Variants in RBFOX1 observed in about 807,000 individuals in gnomAD.
The protein encoded by RBFOX1 is RNA binding fox-1 homolog 1, also known as RNA binding protein fox-1 homolog 1.
In RBFOX1, 8 loss-of-function variants were observed where a neutral mutation model predicts 57.7. The observed-to-expected ratio is 0.14, with a 90% CI of 0.08 to 0.25. The LOEUF is 0.25. Among genes scored for constraint, RBFOX1 ranks in the 10% least tolerant of loss-of-function variants. The probability of loss-of-function intolerance (pLI) is 1.00; values close to 1 mark genes in which losing one functional copy is unlikely to be tolerated. For missense variants in RBFOX1, 611 were observed against 548.5 expected (o/e 1.11, Z -1.14); for synonymous variants, 326 against 222.4 (o/e 1.47, Z -4.15).
intron 4 of RBFOX1, among the ~76,000 whole-genome samples, chr16:7,352,282 C>A (rs1183094601): frequency 1.3e-5 from 2 of 152,146 alleles, no homozygotes; most frequent in African/African-American, 4.8e-5. Context: ...TTGCACGTGT[C>A]TTTAAACAGG....
At chr16:5,625,534 T>TTTTATTTATTTA (rs764734485) in intron 3 of RBFOX1, among the ~76,000 whole-genome samples, 2 of 81,408 alleles carry the variant, frequency 2.5e-5, no homozygotes, top group African/African-American at 4.0e-5. Flanking sequence ...TAATATTTTT[T>TTTTATTTATTTA]GTTATTTATT....
chr16:6,307,302 G>A (rs187553191), intron 1 of RBFOX1, among the ~76,000 whole-genome samples: 145 of 152,218 alleles, frequency 9.5e-4, no homozygotes, highest in Middle Eastern at 3.4e-3. Context: ...AGAATGGTGT[G>A]AACCCGGGAG....
chr16:7,664,876 G>C, intron 12 of RBFOX1, 53 bp from the exon 13 acceptor site: 1 of 1,613,792 alleles, frequency 6.2e-7, no homozygotes, highest in Non-Finnish European at 8.5e-7. Context: ...TGGTGTGTCT[G>C]CATGGGAAAT....
chr16:6,691,049 T>C (rs1429407984), intron 3 of RBFOX1, among the ~76,000 whole-genome samples: 2 of 152,176 alleles, frequency 1.3e-5, no homozygotes, highest in African/African-American at 4.8e-5. Context: ...TCATGTTACA[T>C]CATGTTCCTT....
rs549721553 is a variant in RBFOX1 at position 7,488,010 on chromosome 16, C to T, written c.28-30137C>T. 7.9e-5 allele frequency among the ~76,000 whole-genome samples: 12 copies of T among 152,110 alleles called. No homozygotes were observed. In the South Asian group the frequency reaches 1.5e-3, roughly 18 times the overall value. ...CTCTGGAGCGTAGATTACAAGAGGC[C>T]GGCCTTGTGAATGAAGGGGGCACCT... On this transcript the variant is annotated intron_variant, in intron 4 of 15. Coordinates refer to ENST00000550418, the MANE Select transcript of RBFOX1 (RefSeq NM_018723.4).
intron 4 of RBFOX1, among the ~76,000 whole-genome samples, chr16:7,350,621 G>C (rs868384674): frequency 1.3e-5 from 2 of 152,214 alleles, no homozygotes; most frequent in Non-Finnish European, 2.9e-5. Context: ...AGGACAGCTA[G>C]TATGCATGGT....
chr16:5,792,404 C>G (rs2054731975), intron 3 of RBFOX1, among the ~76,000 whole-genome samples: 1 of 152,212 alleles, frequency 6.6e-6, no homozygotes, highest in African/African-American at 2.4e-5. Flanking sequence ...ACTTGTGACT[C>G]TACAAAAACT....
chr16:7,348,464 A>G (rs1217373196), intron 4 of RBFOX1, among the ~76,000 whole-genome samples: 1 of 152,164 alleles, frequency 6.6e-6, no homozygotes, highest in African/African-American at 2.4e-5. Flanking sequence ...TCTTAAACAA[A>G]CACATATTCC....
chr16:7,096,821 A>G (rs2151257516), intron 4 of RBFOX1, among the ~76,000 whole-genome samples: 1 of 151,102 alleles, frequency 6.6e-6, no homozygotes, highest in South Asian at 2.1e-4. Flanking sequence ...AATCCCAGCT[A>G]CGTAGGGGGC....
In RBFOX1 at chr16:5,775,702, C is replaced by T. The variant is rs530266951; in HGVS notation, c.319-91601C>T. 6.6e-5 allele frequency among the ~76,000 whole-genome samples: 10 copies of T among 152,300 alleles called. No homozygotes were observed. In the East Asian group the frequency reaches 1.9e-3, roughly 29 times the overall value. ...AGGACTGAAAACCATGGGTTTGATACTCTGAATCCTTAGAGCCTGCTAACT... is the reference window on the plus strand; with the variant it reads ...AGGACTGAAAACCATGGGTTTGATATTCTGAATCCTTAGAGCCTGCTAACT... On this transcript the variant is annotated intron_variant, in intron 3 of 19. Coordinates refer to the RBFOX1 transcript ENST00000641259.
chr16:6,194,464 C>G (rs752720960), intron 1 of RBFOX1, among the ~76,000 whole-genome samples: 9 of 152,188 alleles, frequency 5.9e-5, no homozygotes, highest in Non-Finnish European at 8.8e-5. Flanking sequence ...CAGGAACACT[C>G]CTTGTTTCTC....
At chr16:6,364,979 G>A (rs915647898) in intron 2 of RBFOX1, among the ~76,000 whole-genome samples, 1 of 152,024 alleles carries the variant, frequency 6.6e-6, no homozygotes, top group Admixed American at 6.6e-5. Flanking sequence ...TATCAATATG[G>A]GCATATGACA....
At chr16:6,580,898 T>C (rs2097528022) in intron 2 of RBFOX1, among the ~76,000 whole-genome samples, 2 of 118,736 alleles carry the variant, frequency 1.7e-5, no homozygotes, top group Non-Finnish European at 3.4e-5. Context: ...GCATATCTCA[T>C]TTGGGCTTGC....
chr16:7,612,064 G>A (rs1596476690), intron 10 of RBFOX1, among the ~76,000 whole-genome samples: 2 of 152,214 alleles, frequency 1.3e-5, no homozygotes, highest in South Asian at 4.1e-4. Context: ...GCTCACGCCT[G>A]TAATCCCAGC....
chr16:5,715,924 C>G (rs2051681443), intron 3 of RBFOX1, among the ~76,000 whole-genome samples: 2 of 152,154 alleles, frequency 1.3e-5, no homozygotes, highest in South Asian at 4.1e-4. Context: ...TAATAATCAT[C>G]ACAGCATAGT....
chr16:5,609,552 G>A (rs1442485849), intron 3 of RBFOX1, among the ~76,000 whole-genome samples: 1 of 152,166 alleles, frequency 6.6e-6, no homozygotes, highest in Non-Finnish European at 1.5e-5. Context: ...ATGTAGAGAT[G>A]TCCACCGTGT....
At chr16:7,489,786 A>C (rs988839708) in intron 4 of RBFOX1, among the ~76,000 whole-genome samples, 1 of 151,674 alleles carries the variant, frequency 6.6e-6, no homozygotes, top group Non-Finnish European at 1.5e-5. Flanking sequence ...CTTCCAGAGC[A>C]CTGGGATTAC....
chr16:6,790,427 T>C (rs529506627), intron 3 of RBFOX1, among the ~76,000 whole-genome samples: 2 of 152,072 alleles, frequency 1.3e-5, no homozygotes, highest in African/African-American at 4.8e-5. Flanking sequence ...TCAGGTGATC[T>C]ACCCACCTCG....
In RBFOX1 at chr16:7,445,048, A is replaced by T. The variant is rs766893585; in HGVS notation, c.28-73099A>T. Among the ~76,000 whole-genome samples, 11 of 151,874 alleles carry T rather than the reference A, an allele frequency of 7.2e-5. 1 individual carries two copies. The highest frequency in any genetic ancestry group is 1.0e-4 in the Non-Finnish European group (7 of 67,992). ...CTTCTTTTTTTCTTTTGGGAATAAGAAAAAGCAACGTTCTTGACTGCCCGG... is the reference window on the plus strand; with the variant it reads ...CTTCTTTTTTTCTTTTGGGAATAAGTAAAAGCAACGTTCTTGACTGCCCGG... On this transcript the variant is annotated intron_variant, in intron 4 of 15. Coordinates refer to ENST00000550418, the MANE Select transcript of RBFOX1 (RefSeq NM_018723.4).
Sources: allele counts gnomAD v4.1 joint callset (sites outside exome capture counted in the v4.1 genomes callset), GRCh38; gene constraint gnomAD v4.1.1; transcripts MANE v1.5; gene names NCBI Gene and HGNC (gene_info 2026-07-23, HGNC 2026-07-21).